The following SPRED2 variants were observed in gnomAD, a reference collection of about 807,000 sequenced individuals.
SPRED2 encodes sprouty related EVH1 domain containing 2, also known as sprouty-related, EVH1 domain-containing protein 2.
Under a neutral mutation model 43.0 loss-of-function variants are expected in SPRED2, and 47 were observed. That is an observed-to-expected ratio of 1.09 (90% CI 0.87 to 1.40). The LOEUF (loss-of-function observed/expected upper bound fraction) is 1.40, where lower values mean the gene tolerates loss of function less well. SPRED2 is among the 40% of genes most tolerant of loss of function. SPRED2 has a pLI of 0.00. For synonymous variants in SPRED2, 225 were observed against 225.7 expected (o/e 1.00, Z 0.03); for missense variants, 561 against 586.4 (o/e 0.96, Z 0.45).
chr2:65,378,641 G>A (rs1322512236), intron 1 of SPRED2, among the ~76,000 whole-genome samples: 1 of 152,218 alleles, frequency 6.6e-6, no homozygotes, highest in East Asian at 1.9e-4. Context: ...GTGACATTGT[G>A]TCCTGTGTGA....
chr2:65,388,575 G>A (rs1227548031), intron 1 of SPRED2, among the ~76,000 whole-genome samples: 2 of 152,156 alleles, frequency 1.3e-5, no homozygotes, highest in Non-Finnish European at 2.9e-5. Context: ...TCCTACTGCA[G>A]GGTTTACCAT....
chr2:65,309,856 G>T (rs1673024439), downstream of SPRED2, among the ~76,000 whole-genome samples: 2 of 152,182 alleles, frequency 1.3e-5, no homozygotes, highest in African/African-American at 4.8e-5. Context: ...TCGCCCACTT[G>T]TCAAGGCCAC....
chr2:65,426,195 A>G (rs1028838706), intron 1 of SPRED2, among the ~76,000 whole-genome samples: 1 of 152,196 alleles, frequency 6.6e-6, no homozygotes, highest in African/African-American at 2.4e-5. Flanking sequence ...ATGGGTTTTG[A>G]GTTACCAATG....
chr2:65,311,775 G>T lies in SPRED2; in HGVS notation c.*1726C>A. 3.0e-6 allele frequency: 3 copies of T among 985,426 alleles called. No individual in the cohort carries two copies. The highest frequency in any genetic ancestry group is 3.6e-6 in the Non-Finnish European group (3 of 829,938). The allele number at this position is 985,426 out of a possible 1,614,324, so 61.0% of individuals were successfully genotyped here. A position where few individuals can be genotyped will look rare whatever the true frequency, so the allele number is the denominator to read the frequency against. Reference sequence around the variant, plus strand: ...ATAAGCACACTGGGTATTTACACCGGTAATCTACTAAAGAAAATCGATGAG... The same window carrying T: ...ATAAGCACACTGGGTATTTACACCGTTAATCTACTAAAGAAAATCGATGAG... On this transcript the variant is annotated 3_prime_UTR_variant, in exon 6 of 6. Transcript: ENST00000356388.
chr2:65,407,245 C>CTTTTTTTTTTTTTT (rs70943650), intron 1 of SPRED2, among the ~76,000 whole-genome samples: 1 of 120,968 alleles, frequency 8.3e-6, no homozygotes, highest in African/African-American at 3.4e-5. Context: ...GCGCTGGCTC[C>CTTTTTTTTTTTTTT]TTTTTTTTTT....
At chr2:65,352,314 A>G (rs1674534143) in intron 1 of SPRED2, among the ~76,000 whole-genome samples, 2 of 152,262 alleles carry the variant, frequency 1.3e-5, no homozygotes, top group Non-Finnish European at 2.9e-5. Flanking sequence ...TGTAAGATGT[A>G]CAGAAGGTGA....
chr2:65,341,911 T>C (rs1674195558), intron 2 of SPRED2, among the ~76,000 whole-genome samples: 1 of 151,944 alleles, frequency 6.6e-6, no homozygotes, highest in Non-Finnish European at 1.5e-5. Flanking sequence ...AAAAAATTTC[T>C]ATATATATAA....
At chr2:65,387,792 C>A (rs1309989292) in intron 1 of SPRED2, among the ~76,000 whole-genome samples, 1 of 148,306 alleles carries the variant, frequency 6.7e-6, no homozygotes, top group African/African-American at 2.5e-5. Context: ...AAAGCAAATT[C>A]TTTTCTTTTT....
chr2:65,381,244 T>C (rs1421377859), intron 1 of SPRED2, among the ~76,000 whole-genome samples: 5 of 152,210 alleles, frequency 3.3e-5, no homozygotes, highest in Non-Finnish European at 7.3e-5. Context: ...AACCCTCCCT[T>C]GGTGTTGTGT....
chr2:65,419,332 C>T (rs1417680909), intron 1 of SPRED2, among the ~76,000 whole-genome samples: 1 of 152,172 alleles, frequency 6.6e-6, no homozygotes, highest in African/African-American at 2.4e-5. Context: ...GTAGGTTAGA[C>T]TCACTTGTAA....
chr2:65,393,671 G>A (rs1001655880), intron 1 of SPRED2, among the ~76,000 whole-genome samples: 9 of 152,048 alleles, frequency 5.9e-5, no homozygotes, highest in African/African-American at 1.9e-4. Context: ...TTATAATAAC[G>A]GTCATTATAA....
At chr2:65,314,520 G>C (rs1673180169) in intron 5 of SPRED2, among the ~76,000 whole-genome samples, 2 of 152,304 alleles carry the variant, frequency 1.3e-5, no homozygotes, top group South Asian at 4.1e-4. Flanking sequence ...GGCACACTCA[G>C]ATCAAGAGGC....
chr2:65,338,140 G>C (rs1056318646), intron 2 of SPRED2, among the ~76,000 whole-genome samples: 1 of 149,752 alleles, frequency 6.7e-6, no homozygotes, highest in East Asian at 2.0e-4. Context: ...AAGTGAAAGA[G>C]TCCCTCTCCC....
At position 65,431,969 on chromosome 2, in the gene SPRED2, G is replaced by C. The variant is rs750080674; in HGVS notation, c.19C>G (p.Pro7Ala). 2 of 1,613,980 alleles carry C rather than the reference G, an allele frequency of 1.2e-6. No individual in the cohort carries two copies. Among genetic ancestry groups the C allele is most frequent in the Admixed American group, 1.7e-5 (1 of 60,030 alleles). Residue 7 changes from proline (P) to alanine (A), a missense_variant, in exon 1 of 6, where the codon CCA (proline) becomes GCA (alanine). Around this residue, in one of 6 missense-constraint regions of SPRED2, gnomAD observed 305 missense variants for 282.4 expected, o/e 1.08. Transcript: ENST00000356388. MTEETH[P>A]DDDSYIVRVK... ...CCCCGCGACCAAACTTACTCGTCTG[G>C]GTGTGTTTCTTCGGTCATTTTCTTG...
At chr2:65,360,973 A>C (rs922170272) in intron 1 of SPRED2, among the ~76,000 whole-genome samples, 2 of 152,350 alleles carry the variant, frequency 1.3e-5, no homozygotes, top group African/African-American at 4.8e-5. Context: ...GGGAGGCCAA[A>C]GCAGGAGGAT....
chr2:65,308,853 C>T (rs1000335542), downstream of SPRED2, among the ~76,000 whole-genome samples: 14 of 152,092 alleles, frequency 9.2e-5, no homozygotes, highest in Non-Finnish European at 1.9e-4. Flanking sequence ...AACCTCACAT[C>T]GAAAATATAT....
intron 1 of SPRED2, among the ~76,000 whole-genome samples, chr2:65,355,577 G>T (rs969757066): frequency 6.6e-6 from 1 of 152,160 alleles, no homozygotes; most frequent in Non-Finnish European, 1.5e-5. Context: ...AAGTAGCCGG[G>T]CATGGTGGTG....
chr2:65,397,681 T>A (rs918714983), intron 1 of SPRED2, among the ~76,000 whole-genome samples: 1 of 151,766 alleles, frequency 6.6e-6, no homozygotes, highest in Non-Finnish European at 1.5e-5. Flanking sequence ...CCCAGGCCTT[T>A]CTAAATAGAT....
chr2:65,336,821 T>C (rs1308274430), intron 2 of SPRED2, among the ~76,000 whole-genome samples: 1 of 152,132 alleles, frequency 6.6e-6, no homozygotes, highest in African/African-American at 2.4e-5. Flanking sequence ...AAAGTTTAAG[T>C]AAAATGGCCG....
Sources: allele counts gnomAD v4.1 joint callset (sites outside exome capture counted in the v4.1 genomes callset), GRCh38; gene constraint gnomAD v4.1.1; regional missense constraint gnomAD v4.1.1; transcripts MANE v1.5; gene names NCBI Gene and HGNC (gene_info 2026-07-23, HGNC 2026-07-21).